The following ZNG1E variants were observed in gnomAD, a reference collection of about 807,000 sequenced individuals.
ZNG1E encodes Zn regulated GTPase metalloprotein activator 1E, also known as zinc-regulated GTPase metalloprotein activator 1E.
the ZNG1E span, among the ~76,000 whole-genome samples, chr9:65,684,994 A>G: frequency 1.3e-5 from 2 of 148,694 alleles, no homozygotes; most frequent in Non-Finnish European, 3.0e-5. Context: ...GTGAGTCATG[A>G]TTGCACCACT....
At chr9:65,665,509 C>T in the ZNG1E span, among the ~76,000 whole-genome samples, 21 of 152,214 alleles carry the variant, frequency 1.4e-4, no homozygotes, top group African/African-American at 5.1e-4. Context: ...GGGGTGGGTC[C>T]CTCATGGAGA....
the ZNG1E span, among the ~76,000 whole-genome samples, chr9:65,655,653 G>C: frequency 2.6e-5 from 4 of 151,942 alleles, no homozygotes; most frequent in East Asian, 5.8e-4. Flanking sequence ...TAGAGACGGG[G>C]TTTCACCATA....
At chr9:65,732,933 T>G in the ZNG1E span, 3 of 1,608,288 alleles carry the variant, frequency 1.9e-6, no homozygotes, top group Non-Finnish European at 1.7e-6. Context: ...TGATGCTCTA[T>G]TTCTGCTTTT....
chr9:65,662,082 A>G, the ZNG1E span, among the ~76,000 whole-genome samples: 663 of 150,376 alleles, frequency 4.4e-3, 1 homozygote, highest in East Asian at 0.014. Context: ...TTAACATTCT[A>G]GTAAAAGCAC....
the ZNG1E span, among the ~76,000 whole-genome samples, chr9:65,667,743 C>T: frequency 6.6e-6 from 1 of 151,886 alleles, no homozygotes; most frequent in Non-Finnish European, 1.5e-5. Flanking sequence ...CACCTGTAAT[C>T]CCAGCACTTT....
At chr9:65,677,073 T>G in the ZNG1E span, 1 of 1,462,976 alleles carries the variant, frequency 6.8e-7, no homozygotes, top group South Asian at 1.2e-5. Flanking sequence ...TTTATTCTCG[T>G]TTTTTGCTCG....
chr9:65,709,511 A>C, the ZNG1E span, among the ~76,000 whole-genome samples: 66 of 103,536 alleles, frequency 6.4e-4, no homozygotes, highest in African/African-American at 2.5e-3. Context: ...CCTCCCCCCA[A>C]CCCACAACAG....
chr9:65,732,684 CATT>C, the ZNG1E span: 1 of 1,267,184 alleles, frequency 7.9e-7, no homozygotes, highest in Non-Finnish European at 9.9e-7. Context: ...CATATTTCAT[CATT>C]TTGTTTCAGG....
the ZNG1E span, among the ~76,000 whole-genome samples, chr9:65,678,791 A>C: frequency 6.3e-5 from 7 of 111,260 alleles, no homozygotes; most frequent in Non-Finnish European, 1.1e-4. Flanking sequence ...TTTCATAAAA[A>C]CTTTTATAGA....
the ZNG1E span, among the ~76,000 whole-genome samples, chr9:65,660,755 T>C: frequency 0.04 from 5,805 of 146,470 alleles, 10 homozygotes; most frequent in African/African-American, 0.14. Context: ...CAATTTGTAG[T>C]ATCCCTGCCA....
At chr9:65,691,628 G>C in the ZNG1E span, among the ~76,000 whole-genome samples, 1 of 152,254 alleles carries the variant, frequency 6.6e-6, no homozygotes, top group Non-Finnish European at 1.5e-5. Flanking sequence ...TCTGTTGTTT[G>C]ATTTATGTCC....
At chr9:65,676,578 C>T in the ZNG1E span, among the ~76,000 whole-genome samples, 2 of 150,728 alleles carry the variant, frequency 1.3e-5, no homozygotes, top group Non-Finnish European at 2.9e-5. Context: ...TCAGCAGATT[C>T]CCCTTCCCCA....
the ZNG1E span, among the ~76,000 whole-genome samples, chr9:65,724,784 CATTT>C: frequency 9.7e-6 from 1 of 103,148 alleles, no homozygotes; most frequent in African/African-American, 4.1e-5. Context: ...TTTTAACTGA[CATTT>C]ATGTTTCATT....
chr9:65,684,195 A>T, the ZNG1E span, among the ~76,000 whole-genome samples: 2 of 152,054 alleles, frequency 1.3e-5, no homozygotes, highest in Admixed American at 1.3e-4. Context: ...TTAAATACCT[A>T]AAAAATACAA....
chr9:65,673,742 C>A, the ZNG1E span, among the ~76,000 whole-genome samples: 7 of 151,594 alleles, frequency 4.6e-5, no homozygotes, highest in Admixed American at 4.0e-4. Context: ...GAGTTTAGGA[C>A]TGCAGTGAGC....
At chr9:65,681,162 T>TAGA in the ZNG1E span, among the ~76,000 whole-genome samples, 1 of 151,904 alleles carries the variant, frequency 6.6e-6, no homozygotes, top group Non-Finnish European at 1.5e-5. Context: ...AGAAACAATT[T>TAGA]AGAAGAAGAA....
chr9:65,706,988 A>G, the ZNG1E span: 1 of 128,966 alleles, frequency 7.8e-6, no homozygotes, highest in Admixed American at 8.0e-5. Context: ...TTTTATTTTT[A>G]TTTTTATTTA....
chr9:65,716,318 C>T, the ZNG1E span, among the ~76,000 whole-genome samples: 1 of 139,374 alleles, frequency 7.2e-6, no homozygotes, highest in African/African-American at 2.8e-5. Context: ...CCATGCCTGA[C>T]TAATTTTTTT....
chr9:65,678,436 A>G, the ZNG1E span, among the ~76,000 whole-genome samples: 2 of 140,432 alleles, frequency 1.4e-5, no homozygotes, highest in Non-Finnish European at 3.1e-5. Flanking sequence ...AGATCTAGTT[A>G]TATACTAGAA....
Sources: allele counts gnomAD v4.1 joint callset (sites outside exome capture counted in the v4.1 genomes callset), GRCh38; gene constraint gnomAD v4.1.1; transcripts MANE v1.5; gene names NCBI Gene and HGNC (gene_info 2026-07-23, HGNC 2026-07-21).